The following VPS37A variants were observed in gnomAD, a reference collection of about 807,000 sequenced individuals.
VPS37A encodes the protein vacuolar protein sorting-associated protein 37A.
In VPS37A, 30 loss-of-function variants were observed where a neutral mutation model predicts 49.8. The ratio of observed to expected loss-of-function variants is 0.60; its 90% CI spans 0.45 to 0.82. The LOEUF (loss-of-function observed/expected upper bound fraction) is 0.82, where lower values mean the gene tolerates loss of function less well. VPS37A is among the 40% of genes least tolerant of loss of function. The probability of loss-of-function intolerance (pLI) is 0.00; values close to 1 mark genes in which losing one functional copy is unlikely to be tolerated. For synonymous variants in VPS37A, 195 were observed against 160.6 expected (o/e 1.21, Z -1.62); for missense variants, 593 against 464.4 (o/e 1.28, Z -2.55).
intron 11 of VPS37A, among the ~76,000 whole-genome samples, chr8:17,294,484 A>G (rs1816446762): frequency 6.6e-6 from 1 of 152,124 alleles, no homozygotes; most frequent in African/African-American, 2.4e-5. Context: ...CTGGCATTCC[A>G]GGCAGTACGA....
chr8:17,267,121 G>A (rs1813536832), intron 2 of VPS37A, among the ~76,000 whole-genome samples: 1 of 152,146 alleles, frequency 6.6e-6, no homozygotes, highest in Non-Finnish European at 1.5e-5. Context: ...CGGTTAGTAA[G>A]TAGCATAGTC....
At chr8:17,252,085 C>T (rs759234230) in intron 1 of VPS37A, among the ~76,000 whole-genome samples, 2 of 152,146 alleles carry the variant, frequency 1.3e-5, no homozygotes, top group African/African-American at 4.8e-5. Context: ...GTGTTTCAAC[C>T]CGTCGCATGT....
downstream of VPS37A, chr8:17,302,519 C>T: frequency 5.2e-6 from 2 of 387,052 alleles, no homozygotes; most frequent in South Asian, 8.6e-5. Context: ...TATGAATTAG[C>T]ACAGAATACA....
intron 2 of VPS37A, among the ~76,000 whole-genome samples, chr8:17,266,583 G>C (rs936591311): frequency 1.2e-4 from 19 of 152,280 alleles, no homozygotes; most frequent in African/African-American, 4.3e-4. Context: ...ACATTAAGTG[G>C]CTGCTGCTAG....
chr8:17,275,297 T>C (rs1054068216), intron 5 of VPS37A, among the ~76,000 whole-genome samples: 2 of 152,152 alleles, frequency 1.3e-5, no homozygotes, highest in East Asian at 1.9e-4. Context: ...AATATACTGA[T>C]GAATATAGTG....
intron 9 of VPS37A, among the ~76,000 whole-genome samples, chr8:17,282,045 A>C (rs903512998): frequency 6.6e-6 from 1 of 152,108 alleles, no homozygotes; most frequent in Non-Finnish European, 1.5e-5. Flanking sequence ...AGTTTATTCT[A>C]AAGTTCATCT....
chr8:17,292,571 T>G (rs1306287172), intron 11 of VPS37A, among the ~76,000 whole-genome samples: 1 of 152,192 alleles, frequency 6.6e-6, no homozygotes, highest in Admixed American at 6.5e-5. Context: ...TCTTTACATT[T>G]TGGTTTGATT....
At chr8:17,248,013 C>A in intron 1 of VPS37A, 1 of 517,768 alleles carries the variant, frequency 1.9e-6, no homozygotes, top group Non-Finnish European at 3.4e-6. Flanking sequence ...CTTGATTGTT[C>A]TGTTGTCTTC....
chr8:17,331,293 C>A, the VPS37A span: 2 of 1,578,082 alleles, frequency 1.3e-6, no homozygotes, highest in South Asian at 2.3e-5. Flanking sequence ...CTGCAGTGGT[C>A]AGCAAAACAG....
chr8:17,310,835 A>T, the VPS37A span, among the ~76,000 whole-genome samples: 2 of 152,200 alleles, frequency 1.3e-5, no homozygotes, highest in East Asian at 1.9e-4. Flanking sequence ...ACTGTCTACC[A>T]AATCATGGTT....
chr8:17,331,031 T>A, the VPS37A span: 1 of 1,216,738 alleles, frequency 8.2e-7, no homozygotes, highest in Non-Finnish European at 1.1e-6. Context: ...TGTAACATGA[T>A]ATTCTTCCCA....
intron 4 of VPS37A, among the ~76,000 whole-genome samples, chr8:17,270,459 C>T (rs1003195736): frequency 2.0e-5 from 3 of 152,108 alleles, no homozygotes; most frequent in Admixed American, 1.3e-4. Flanking sequence ...ACCTGCGCTT[C>T]CTCACTGCGT....
the VPS37A span, among the ~76,000 whole-genome samples, chr8:17,318,672 A>G: frequency 6.6e-6 from 1 of 152,142 alleles, no homozygotes; most frequent in Admixed American, 6.6e-5. Context: ...GTTCCAGGTT[A>G]GGGTCTGCTA....
In VPS37A at chr8:17,274,864, C is replaced by G. The variant is rs1390113564; in HGVS notation, c.548C>G (p.Thr183Arg). 1 of 1,614,144 alleles carries G rather than the reference C, an allele frequency of 6.2e-7. No homozygotes were observed. Among genetic ancestry groups the G allele is most frequent in the Middle Eastern group, 1.7e-4 (1 of 6,060 alleles). ...LSVADTVSSSTTSHTTAKPAA... is the reference protein window; with the variant it reads ...LSVADTVSSSRTSHTTAKPAA... ...GTTGCTGACACTGTTTCTTCTTCAA[C>G]AACAAGTCATACCACAGCCAAGCCT... Residue 183 changes from threonine to arginine, a missense_variant, in exon 5 of 12, where the codon ACA becomes AGA. Thr to Arg is a moderately conservative substitution (Grantham distance 71). Transcript: ENST00000324849.
chr8:17,255,168 C>T (rs1563239294), intron 1 of VPS37A, among the ~76,000 whole-genome samples: 2 of 152,128 alleles, frequency 1.3e-5, no homozygotes, highest in African/African-American at 4.8e-5. Flanking sequence ...TAAATATAAA[C>T]ATAAATACAA....
At chr8:17,255,163 A>G (rs1812322537) in intron 1 of VPS37A, among the ~76,000 whole-genome samples, 1 of 152,210 alleles carries the variant, frequency 6.6e-6, no homozygotes, top group African/African-American at 2.4e-5. Context: ...CAAACTAAAT[A>G]TAAACATAAA....
intron 5 of VPS37A, among the ~76,000 whole-genome samples, chr8:17,275,812 A>G (rs940909592): frequency 6.6e-6 from 1 of 152,194 alleles, no homozygotes; most frequent in African/African-American, 2.4e-5. Context: ...AGAGTTTATA[A>G]TCATTTAGAA....
the VPS37A span, among the ~76,000 whole-genome samples, chr8:17,326,053 G>C: frequency 6.6e-6 from 1 of 152,130 alleles, no homozygotes; most frequent in Non-Finnish European, 1.5e-5. Flanking sequence ...TACAAATACA[G>C]AAAATGAGAT....
chr8:17,319,530 C>G, the VPS37A span, among the ~76,000 whole-genome samples: 1 of 152,218 alleles, frequency 6.6e-6, no homozygotes, highest in Non-Finnish European at 1.5e-5. Flanking sequence ...GCCACCACAT[C>G]ATGGCTACCT....
Sources: gnomAD v4.1 joint callset for allele counts (sites outside exome capture counted in the v4.1 genomes callset) on GRCh38, gnomAD v4.1.1 for gene constraint, MANE v1.5 for transcripts, NCBI Gene and HGNC (gene_info 2026-07-23, HGNC 2026-07-21) for gene names.